The following SDK1 variants were observed in gnomAD, a reference collection of about 807,000 sequenced individuals.
SDK1 encodes protein sidekick-1.
SDK1 carries 157 observed loss-of-function variants against 245.5 expected under a neutral mutation model. That is an observed-to-expected ratio of 0.64 (90% CI 0.56 to 0.73). The LOEUF is 0.73. Among genes scored for constraint, SDK1 ranks in the 30% least tolerant of loss-of-function variants. The pLI, the probability that SDK1 is intolerant of heterozygous loss-of-function variation, is 0.00. For missense variants in SDK1, 3,583 were observed against 3,002.3 expected (o/e 1.19, Z -4.52); for synonymous variants, 1,647 against 1,278.5 (o/e 1.29, Z -6.15).
Position 4,113,392 on chromosome 7 carries a change from G to C in SDK1, c.3538G>C (p.Val1180Leu). 4.3e-6 allele frequency: 7 copies of C among 1,613,868 alleles called. No individual in the cohort carries two copies. The highest frequency in any genetic ancestry group is 5.9e-6 in the Non-Finnish European group (7 of 1,180,032). Reference protein sequence around the residue: ...QAPPDVAPTSVTVRTASETSL... With the variant: ...QAPPDVAPTSLTVRTASETSL... ...CCCACCCGACGTGGCTCCAACCAGCGTCACGGTCCGTACTGCCAGTGAGAC... is the reference window on the plus strand; with the variant it reads ...CCCACCCGACGTGGCTCCAACCAGCCTCACGGTCCGTACTGCCAGTGAGAC... The change falls in exon 24 of 45, where the codon GTC becomes CTC. Residue 1180 changes from valine (V) to leucine (L), a missense_variant. By Grantham distance (32) the Val-to-Leu change is conservative. Coordinates refer to ENST00000404826, the MANE Select transcript of SDK1 (RefSeq NM_152744.4).
At chr7:3,370,606 G>T (rs555199722) in intron 1 of SDK1, among the ~76,000 whole-genome samples, 1 of 152,140 alleles carries the variant, frequency 6.6e-6, no homozygotes, top group Non-Finnish European at 1.5e-5. Flanking sequence ...TCGTTAAAAC[G>T]TCCAGCAGTT....
chr7:3,380,331 C>T (rs1048396585), intron 1 of SDK1, among the ~76,000 whole-genome samples: 1 of 152,202 alleles, frequency 6.6e-6, no homozygotes, highest in African/African-American at 2.4e-5. Flanking sequence ...GCTAGTATCT[C>T]ATAATGTAAT....
intron 16 of SDK1, among the ~76,000 whole-genome samples, chr7:4,016,838 G>A (rs1786438774): frequency 6.6e-6 from 1 of 152,154 alleles, no homozygotes; most frequent in African/African-American, 2.4e-5. Flanking sequence ...CTGATTTACA[G>A]CAACTCCCCG....
chr7:3,485,329 T>C (rs1781651176), intron 1 of SDK1, among the ~76,000 whole-genome samples: 1 of 152,200 alleles, frequency 6.6e-6, no homozygotes, highest in African/African-American at 2.4e-5. Context: ...TCAGATACTT[T>C]GCCCATTTAA....
chr7:3,334,429 C>A lies in SDK1; in HGVS notation c.298+32545C>A, dbSNP rs1253105587. Among the ~76,000 whole-genome samples the A allele has an allele frequency of 1.3e-5, 2 of 152,108 alleles. 1 individual carries two copies. The highest frequency in any genetic ancestry group is 1.3e-4 in the Admixed American group (2 of 15,278). On this transcript the variant is annotated intron_variant, in intron 1 of 44. Coordinates refer to ENST00000404826, the MANE Select transcript of SDK1 (RefSeq NM_152744.4). ...TTGTCCTCCTGTTCTTCCCTGCCGT[C>A]CCTTTCAAATGACCACAGGTAGCTG...
intron 35 of SDK1, among the ~76,000 whole-genome samples, chr7:4,186,065 G>A (rs1782879589): frequency 1.3e-5 from 2 of 152,240 alleles, no homozygotes; most frequent in African/African-American, 2.4e-5. Flanking sequence ...TGCAACTACT[G>A]TCCTTTCCCA....
At chr7:3,596,897 G>C (rs147124542) in intron 1 of SDK1, among the ~76,000 whole-genome samples, 2 of 152,320 alleles carry the variant, frequency 1.3e-5, no homozygotes, top group East Asian at 3.9e-4. Flanking sequence ...GAAACAGCTA[G>C]ATTGGTTACA....
chr7:3,804,374 C>A (rs946781309), intron 4 of SDK1, among the ~76,000 whole-genome samples: 2 of 152,022 alleles, frequency 1.3e-5, no homozygotes, highest in Non-Finnish European at 2.9e-5. Context: ...GGTTTTTGCC[C>A]TTTGTAAAAA....
chr7:4,167,917 C>T lies in SDK1; in HGVS notation c.4800+6061C>T, dbSNP rs940256824. Among the ~76,000 whole-genome samples the T allele has an allele frequency of 5.9e-5, 9 of 152,244 alleles. No individual in the cohort carries two copies. The East Asian group carries it at 1.7e-3, about 29-fold the overall frequency. The stretch of plus-strand genomic sequence containing the variant: ...GCAAGGTGGCTGCAAGGCCACGACC[C>T]AAATCTAGAGCCTGACCTTGACCTC... On this transcript the variant is annotated intron_variant, in intron 32 of 44. Coordinates refer to ENST00000404826, the MANE Select transcript of SDK1 (RefSeq NM_152744.4).
chr7:4,058,956 A>C (rs552707314), intron 19 of SDK1, among the ~76,000 whole-genome samples: 3 of 152,300 alleles, frequency 2.0e-5, no homozygotes, highest in Non-Finnish European at 4.4e-5. Context: ...AAGAGAAAGG[A>C]CCCAAATGTT....
chr7:3,687,794 G>T (rs1308679571), intron 4 of SDK1, among the ~76,000 whole-genome samples: 1 of 152,174 alleles, frequency 6.6e-6, no homozygotes, highest in Non-Finnish European at 1.5e-5. Flanking sequence ...TGGAAACGCT[G>T]TGTGTCTTGA....
intron 1 of SDK1, among the ~76,000 whole-genome samples, chr7:3,419,182 T>C (rs1779465869): frequency 6.6e-6 from 1 of 152,246 alleles, no homozygotes; most frequent in African/African-American, 2.4e-5. Flanking sequence ...GCAAATCCTG[T>C]AAGGAATCAG....
chr7:3,496,157 C>T (rs916481373), intron 1 of SDK1, among the ~76,000 whole-genome samples: 3 of 152,114 alleles, frequency 2.0e-5, no homozygotes, highest in African/African-American at 4.8e-5. Context: ...CCTTTAACTT[C>T]TCTGTCACTG....
At chr7:3,910,997 C>T (rs959276539) in intron 5 of SDK1, among the ~76,000 whole-genome samples, 1 of 152,192 alleles carries the variant, frequency 6.6e-6, no homozygotes, top group Non-Finnish European at 1.5e-5. Context: ...TCTGGGCATT[C>T]CGCTCTCCTC....
At chr7:3,863,619 C>G (rs1483297246) in intron 5 of SDK1, among the ~76,000 whole-genome samples, 1 of 152,178 alleles carries the variant, frequency 6.6e-6, no homozygotes, top group East Asian at 1.9e-4. Context: ...CTCTCTATAA[C>G]TTTTGTTCTA....
chr7:3,476,387 G>A (rs1393302186), intron 1 of SDK1, among the ~76,000 whole-genome samples: 3 of 152,182 alleles, frequency 2.0e-5, no homozygotes, highest in African/African-American at 7.2e-5. Flanking sequence ...AGCAAAAGGT[G>A]AGTGGTAGTT....
chr7:4,027,695 G>A (rs75394163), intron 17 of SDK1, among the ~76,000 whole-genome samples: 23 of 152,274 alleles, frequency 1.5e-4, no homozygotes, highest in Non-Finnish European at 2.8e-4. Flanking sequence ...TCTTTTCTCA[G>A]GGGTGTTGCA....
Position 3,301,533 on chromosome 7 carries a change from CTG to C in SDK1, c.-52_-51del. 1.5e-6 allele frequency: 1 copy of C among 658,858 alleles called. No homozygotes were observed. Among genetic ancestry groups the C allele is most frequent in the Non-Finnish European group, 1.9e-6 (1 of 535,184 alleles). The allele number at this position is 658,858 out of a possible 1,614,324, so 40.8% of individuals were successfully genotyped here. On this transcript the variant is annotated 5_prime_UTR_variant, in exon 1 of 45. Transcript: ENST00000404826. ...CCGCGCCCGCTCGGAGCCGTCCCGC[CTG>C]TCCTGCCCGCCCGTCCGTCCGGCGC...
chr7:3,316,820 C>T (rs1034317309), intron 1 of SDK1, among the ~76,000 whole-genome samples: 2 of 152,018 alleles, frequency 1.3e-5, no homozygotes, highest in East Asian at 3.9e-4. Context: ...TCAATTGTAT[C>T]CCCCTTTTTT....
Sources: gnomAD v4.1 joint callset for allele counts (sites outside exome capture counted in the v4.1 genomes callset) on GRCh38, gnomAD v4.1.1 for gene constraint, MANE v1.5 for transcripts, NCBI Gene and HGNC (gene_info 2026-07-23, HGNC 2026-07-21) for gene names.